The following UBE2Q2 variants were observed in gnomAD, a reference collection of about 807,000 sequenced individuals.
UBE2Q2 encodes ubiquitin-conjugating enzyme E2 Q2.
A neutral mutation model predicts 59.9 loss-of-function variants in UBE2Q2; 54 were observed. The observed-to-expected ratio is 0.90, with a 90% CI of 0.72 to 1.13. UBE2Q2 has a LOEUF of 1.13. Among genes scored for constraint, UBE2Q2 ranks in the 50% most tolerant of loss-of-function variants. The probability of loss-of-function intolerance (pLI) is 0.00; values close to 1 mark genes in which losing one functional copy is unlikely to be tolerated. For missense variants in UBE2Q2, 433 were observed against 441.9 expected (o/e 0.98, Z 0.18); for synonymous variants, 165 against 155.2 (o/e 1.06, Z -0.47).
chr15:75,865,213 T>TA (rs1235044119), intron 3 of UBE2Q2, among the ~76,000 whole-genome samples: 1 of 152,274 alleles, frequency 6.6e-6, no homozygotes, highest in Non-Finnish European at 1.5e-5. Flanking sequence ...ATTTCTCTAG[T>TA]GTTACCACTT....
At chr15:75,862,590 G>T (rs1482442507) in intron 3 of UBE2Q2, among the ~76,000 whole-genome samples, 1 of 151,292 alleles carries the variant, frequency 6.6e-6, no homozygotes, top group Non-Finnish European at 1.5e-5. Flanking sequence ...GCTGAGGTGG[G>T]AGGATCACTT....
In UBE2Q2 at chr15:75,899,517, G is replaced by A. The variant is rs1327150416; in HGVS notation, c.*59G>A. The A allele has an allele frequency of 1.4e-6, 2 of 1,434,406 alleles. No homozygotes were observed. The highest frequency in any genetic ancestry group is 1.8e-4 in the Middle Eastern group (1 of 5,622). The allele number at this position is 1,434,406 out of a possible 1,614,324, so 88.9% of individuals were successfully genotyped here. ...GCTTTAAAGAAAATCTTTCTAACAT[G>A]CAGACAAAAGCTTTGAGTGCCCCTA... On this transcript the variant is annotated 3_prime_UTR_variant, in exon 13 of 13. Transcript: ENST00000267938.
At chr15:75,875,477 T>C (rs1341031612) in intron 5 of UBE2Q2, among the ~76,000 whole-genome samples, 1 of 152,256 alleles carries the variant, frequency 6.6e-6, no homozygotes, top group East Asian at 1.9e-4. Context: ...AGTGTCTTAA[T>C]GTGCGAACTA....
chr15:75,891,147 A>G, intron 11 of UBE2Q2, 133 bp downstream of exon 11: 2 of 648,410 alleles, frequency 3.1e-6, no homozygotes, highest in Non-Finnish European at 5.1e-6. Context: ...TCTTGTTACA[A>G]AAGTGATCTA....
At chr15:75,886,773 G>A (rs1014838963) in intron 9 of UBE2Q2, among the ~76,000 whole-genome samples, 1 of 151,928 alleles carries the variant, frequency 6.6e-6, no homozygotes, top group African/African-American at 2.4e-5. Flanking sequence ...TGTAATCCCA[G>A]CTCATCGGGA....
At chr15:75,874,510 CCGA>C (rs57600889) in intron 5 of UBE2Q2, among the ~76,000 whole-genome samples, 6,028 of 152,122 alleles carry the variant, frequency 0.04, 213 homozygotes, top group African/African-American at 0.094. Flanking sequence ...TCTTGAACTC[CCGA>C]CTTCAAGTGA....
At position 75,864,371 on chromosome 15, in the gene UBE2Q2, G is replaced by A. The variant is rs1897346349; in HGVS notation, c.387+4389G>A. Among the ~76,000 whole-genome samples the A allele has an allele frequency of 2.0e-5, 3 of 152,014 alleles. No individual in the cohort carries two copies. In the South Asian group the frequency reaches 6.2e-4, roughly 32 times the overall value. ...TTTCTGGTTTTCACAACTGGTCATGGTAGGGGTGCTGTTGGCATTTCTTAG... is the reference window on the plus strand; with the variant it reads ...TTTCTGGTTTTCACAACTGGTCATGATAGGGGTGCTGTTGGCATTTCTTAG... On this transcript the variant is annotated intron_variant, in intron 3 of 12. Transcript: ENST00000267938.
rs1291907956 is a variant in UBE2Q2 at position 75,900,155 on chromosome 15, G to A, written c.*697G>A. On this transcript the variant is annotated 3_prime_UTR_variant, in exon 13 of 13. Transcript: ENST00000267938. ...CTTGGCTGGGCTGAATCTGCTGCTT[G>A]TTGGTTCAGTGTTTCTTATGAACAA... 6.6e-6 allele frequency: 1 copy of A among 152,230 alleles called. No individual in the cohort carries two copies. The highest frequency in any genetic ancestry group is 2.4e-5 in the African/African-American group (1 of 41,430). 9.4% of individuals were successfully genotyped at this position (152,230 alleles called of 1,614,324 possible). A position where few individuals can be genotyped will look rare whatever the true frequency, so the allele number is the denominator to read the frequency against.
chr15:75,862,613 TA>T (rs1897255599), intron 3 of UBE2Q2, among the ~76,000 whole-genome samples: 1 of 151,358 alleles, frequency 6.6e-6, no homozygotes, highest in African/African-American at 2.4e-5. Flanking sequence ...GCCCAAGAGT[TA>T]AGACCAGCCT....
intron 1 of UBE2Q2, chr15:75,844,707 C>G: frequency 2.4e-6 from 1 of 423,124 alleles, no homozygotes; most frequent in Non-Finnish European, 4.3e-6. Flanking sequence ...AAAAGTGTAT[C>G]GTGAAGCTAT....
At chr15:75,870,657 G>A (rs974633576) in intron 4 of UBE2Q2, among the ~76,000 whole-genome samples, 11 of 152,194 alleles carry the variant, frequency 7.2e-5, no homozygotes, top group African/African-American at 2.7e-4. Flanking sequence ...GTGGAAAGAA[G>A]ATATTCTAGG....
chr15:75,844,478 T>TG (rs1896217316), intron 1 of UBE2Q2: 3 of 1,551,454 alleles, frequency 1.9e-6, no homozygotes, highest in Non-Finnish European at 2.6e-6. Context: ...GTACCGTCGT[T>TG]GCGGCAGGTG....
At chr15:75,863,984 C>G (rs1437440462) in intron 3 of UBE2Q2, among the ~76,000 whole-genome samples, 1 of 152,054 alleles carries the variant, frequency 6.6e-6, no homozygotes, top group African/African-American at 2.4e-5. Context: ...GTGTTTTTCA[C>G]TGAATATCAC....
chr15:75,847,926 CTTTG>C (rs1341443354), intron 1 of UBE2Q2, among the ~76,000 whole-genome samples: 1 of 152,056 alleles, frequency 6.6e-6, no homozygotes, highest in African/African-American at 2.4e-5. Flanking sequence ...TTTAGTGGGA[CTTTG>C]TTTTTGATTG....
chr15:75,868,781 AT>A (rs1340325532), intron 3 of UBE2Q2, among the ~76,000 whole-genome samples, 169 bp from the exon 4 acceptor site: 1 of 152,174 alleles, frequency 6.6e-6, no homozygotes, highest in African/African-American at 2.4e-5. Context: ...CTGATAACTT[AT>A]TTGTTAGTCA....
intron 1 of UBE2Q2, 100 bp downstream of exon 1, chr15:75,843,946 C>T (rs965056878): frequency 2.1e-4 from 297 of 1,418,114 alleles, no homozygotes; most frequent in Non-Finnish European, 2.6e-4. Flanking sequence ...GAGGCTCCGG[C>T]TCCCCGGGCG....
chr15:75,880,698 A>G (rs1898359401), intron 8 of UBE2Q2, among the ~76,000 whole-genome samples: 1 of 152,006 alleles, frequency 6.6e-6, no homozygotes, highest in African/African-American at 2.4e-5. Flanking sequence ...ATGGGGTTTC[A>G]CCATCTTGGC....
At position 75,899,677 on chromosome 15, in the gene UBE2Q2, A is replaced by G. The variant is rs1323980123; in HGVS notation, c.*219A>G. ...GACTGAGCAGTGGGGCCTTTACTGT[A>G]TTTTTCCTGATAAATACACATACTG... On this transcript the variant is annotated 3_prime_UTR_variant, in exon 13 of 13. Transcript: ENST00000267938. 2 of 310,224 alleles carry G rather than the reference A, an allele frequency of 6.4e-6. No individual in the cohort carries two copies. The highest frequency in any genetic ancestry group is 1.2e-5 in the Non-Finnish European group (2 of 169,118). 19.2% of individuals were successfully genotyped at this position (310,224 alleles called of 1,614,324 possible).
Position 75,899,589 on chromosome 15 carries a change from A to G in UBE2Q2, c.*131A>G. ...TAGTTAATAGATATTTTAGTGGATA[A>G]TCTGTCATCTGACATCCAGTATAAG... On this transcript the variant is annotated 3_prime_UTR_variant, in exon 13 of 13. Coordinates refer to ENST00000267938, the MANE Select transcript of UBE2Q2 (RefSeq NM_173469.4). 2 of 664,014 alleles carry G rather than the reference A, an allele frequency of 3.0e-6. No individual in the cohort carries two copies. The highest frequency in any genetic ancestry group is 2.0e-5 in the South Asian group (1 of 50,090). The allele number at this position is 664,014 out of a possible 1,614,324, so 41.1% of individuals were successfully genotyped here.
Sources: allele counts gnomAD v4.1 joint callset (sites outside exome capture counted in the v4.1 genomes callset), GRCh38; gene constraint gnomAD v4.1.1; transcripts MANE v1.5; gene names NCBI Gene and HGNC (gene_info 2026-07-23, HGNC 2026-07-21).